IRAG1: variants seen among roughly 807,000 people sequenced by gnomAD.
The protein encoded by IRAG1 is inositol 1,4,5-triphosphate receptor associated 1, also known as IP3R-associated cGMP kinase substrate.
Under a neutral mutation model 106.2 loss-of-function variants are expected in IRAG1, and 62 were observed. That is an observed-to-expected ratio of 0.58 (90% CI 0.48 to 0.72). The LOEUF is 0.72. Among genes scored for constraint, IRAG1 ranks in the 30% least tolerant of loss-of-function variants. The pLI is 0.00. For synonymous variants in IRAG1, 462 were observed against 443.9 expected (o/e 1.04, Z -0.51); for missense variants, 1,064 against 1,140.7 (o/e 0.93, Z 0.97).
At position 10,657,801 on chromosome 11, in the gene IRAG1, G is replaced by A. The variant is rs1859037273; in HGVS notation, c.68-5619C>T. Among the ~76,000 whole-genome samples the A allele has an allele frequency of 6.6e-6, 1 of 152,096 alleles. No individual in the cohort carries two copies. Among genetic ancestry groups the A allele is most frequent in the East Asian group, 1.9e-4 (1 of 5,164 alleles). ...TTCTGCAAATCCAGAGGGTGATGGA[G>A]GGACACTGAGAACTCACCAGTCTTA... is the stretch of plus-strand genomic sequence containing the variant. On this transcript the variant is annotated intron_variant, in intron 1 of 20. Transcript: ENST00000423302. The surrounding 1 kb of genome is among the most constrained non-coding windows in gnomAD (Gnocchi z 4.1).
intron 17 of IRAG1, among the ~76,000 whole-genome samples, chr11:10,592,753 A>G (rs533009691): frequency 6.6e-6 from 1 of 152,360 alleles, no homozygotes; most frequent in Non-Finnish European, 1.5e-5. Flanking sequence ...GAAATATAAA[A>G]AGGCATCAGG....
chr11:10,632,183 T>G (rs1856747674), intron 3 of IRAG1, 122 bp from the exon 4 acceptor site: 1 of 678,094 alleles, frequency 1.5e-6, no homozygotes, highest in Non-Finnish European at 2.4e-6. Flanking sequence ...TCTTTCCTTC[T>G]TTCTTTCTTT....
chr11:10,660,298 G>A (rs1000680735), intron 1 of IRAG1, among the ~76,000 whole-genome samples: 2 of 152,136 alleles, frequency 1.3e-5, no homozygotes, highest in African/African-American at 4.8e-5. Flanking sequence ...CAAAATAACT[G>A]CTTTTTAATT....
rs1450319454 is a variant in IRAG1 at position 10,580,597 on chromosome 11, G to T, written c.2361-8C>A. On this transcript the variant is annotated splice_polypyrimidine_tract_variant and splice_region_variant and intron_variant, in intron 19 of 20. Coordinates refer to ENST00000423302, the MANE Select transcript of IRAG1 (RefSeq NM_130385.4). ...TTTAGACCTTCTTGGAATCTGGGGGGCAAAAAGGAACAGTTGAGTCTGGAA... is the reference window on the plus strand; with the variant it reads ...TTTAGACCTTCTTGGAATCTGGGGGTCAAAAAGGAACAGTTGAGTCTGGAA... The T allele has an allele frequency of 1.9e-6, 3 of 1,609,054 alleles. No homozygotes were observed. Among genetic ancestry groups the T allele is most frequent in the Non-Finnish European group, 2.5e-6 (3 of 1,178,510 alleles).
chr11:10,592,667 G>A (rs1852809459), intron 17 of IRAG1, among the ~76,000 whole-genome samples: 1 of 152,120 alleles, frequency 6.6e-6, no homozygotes, highest in African/African-American at 2.4e-5. Flanking sequence ...AAAATATTTT[G>A]TTATATCCAA....
intron 19 of IRAG1, 29 bp downstream of exon 19, chr11:10,581,838 G>A (rs368836115): frequency 1.2e-4 from 185 of 1,606,984 alleles, no homozygotes; most frequent in Middle Eastern, 3.3e-4. Flanking sequence ...ACTGCCAGGT[G>A]CCCTTGGGGT....
At chr11:10,658,293 C>A (rs943988172) in intron 1 of IRAG1, 1 of 152,308 alleles carries the variant, frequency 6.6e-6, no homozygotes, top group African/African-American at 2.4e-5. Context: ...TTGGCAGATT[C>A]CGTTCTAATC....
chr11:10,659,285 C>A lies in IRAG1; in HGVS notation c.68-7103G>T, dbSNP rs1004730817. On this transcript the variant is annotated intron_variant, in intron 1 of 20. Transcript: ENST00000423302. This position sits in a 1 kb window ranked among gnomAD's most constrained non-coding sequence, Gnocchi z 4.1. Reference sequence around the variant, plus strand: ...AAGTGAGTGACTGAAGGGGGTACAGCCACCCCCCAGTGTGTGGTGGAAGCC... The same window carrying A: ...AAGTGAGTGACTGAAGGGGGTACAGACACCCCCCAGTGTGTGGTGGAAGCC... Among the ~76,000 whole-genome samples the A allele has an allele frequency of 6.6e-6, 1 of 152,156 alleles. No homozygotes were observed. The highest frequency in any genetic ancestry group is 2.4e-5 in the African/African-American group (1 of 41,406).
intron 2 of IRAG1, among the ~76,000 whole-genome samples, chr11:10,651,421 A>G (rs1256701386): frequency 6.6e-6 from 1 of 152,248 alleles, no homozygotes; most frequent in Non-Finnish European, 1.5e-5. Flanking sequence ...AAATATACCC[A>G]CACCAAAATC....
intron 4 of IRAG1, 102 bp from the exon 5 acceptor site, chr11:10,629,813 G>T: frequency 7.9e-7 from 1 of 1,271,164 alleles, no homozygotes; most frequent in Non-Finnish European, 1.1e-6. Flanking sequence ...GCCCACAGCT[G>T]ACCCAGCCAG....
At chr11:10,617,744 G>A (rs1212486703) in intron 10 of IRAG1, among the ~76,000 whole-genome samples, 2 of 152,146 alleles carry the variant, frequency 1.3e-5, no homozygotes, top group East Asian at 1.9e-4. Context: ...ACAGGTGCCT[G>A]GTGGTATTCC....
intron 15 of IRAG1, 62 bp downstream of exon 15, chr11:10,600,856 G>A (rs1425656842): frequency 6.2e-7 from 1 of 1,600,994 alleles, no homozygotes; most frequent in East Asian, 2.2e-5. Context: ...TCTAATCCTA[G>A]CCAAGAGCTC....
intron 2 of IRAG1, among the ~76,000 whole-genome samples, chr11:10,640,805 T>C (rs145116486): frequency 2.0e-5 from 3 of 152,354 alleles, no homozygotes; most frequent in Admixed American, 6.5e-5. Context: ...GAAGCCACAC[T>C]ACCTTATGGT....
rs1276427062 is a variant in IRAG1 at position 10,644,856 on chromosome 11, C to G, written c.225+7169G>C. ...AGTTTCCAGGGAGGTACAGGCAGAA[C>G]CTCTCTGTTGGCCAGTGAGGACAGG... On this transcript the variant is annotated intron_variant, in intron 2 of 20. Coordinates refer to ENST00000423302, the MANE Select transcript of IRAG1 (RefSeq NM_130385.4). Among the ~76,000 whole-genome samples, 10 of 152,294 alleles carry G rather than the reference C, an allele frequency of 6.6e-5. No individual in the cohort carries two copies. The East Asian group carries it at 1.5e-3, about 23-fold the overall frequency.
intron 18 of IRAG1, among the ~76,000 whole-genome samples, chr11:10,587,031 T>G (rs548371700): frequency 6.6e-6 from 1 of 152,220 alleles, no homozygotes; most frequent in Non-Finnish European, 1.5e-5. Flanking sequence ...AAACTGGAGC[T>G]GAGCACAGCC....
At chr11:10,620,342 G>A (rs79017818) in intron 10 of IRAG1, among the ~76,000 whole-genome samples, 2 of 143,060 alleles carry the variant, frequency 1.4e-5, no homozygotes, top group Non-Finnish European at 3.0e-5. Flanking sequence ...GCAAAAAAAA[G>A]ATTGAATGAA....
chr11:10,687,550 T>C (rs1424776249), intron 1 of IRAG1: 2 of 692,280 alleles, frequency 2.9e-6, no homozygotes, highest in South Asian at 2.2e-5. Flanking sequence ...TCATCAGTCA[T>C]ACGGGTGATA....
intron 2 of IRAG1, among the ~76,000 whole-genome samples, chr11:10,646,477 C>T (rs1289259310): frequency 6.6e-6 from 1 of 152,260 alleles, no homozygotes; most frequent in Non-Finnish European, 1.5e-5. Flanking sequence ...GTGGCACTTA[C>T]ATCAGTCCCT....
intron 14 of IRAG1, 64 bp downstream of exon 14, chr11:10,603,056 G>T (rs1180593937): frequency 5.2e-6 from 8 of 1,546,082 alleles, no homozygotes; most frequent in Non-Finnish European, 6.1e-6. Context: ...CCGCTGCTTG[G>T]GTGATTGCTC....
Sources: allele counts gnomAD v4.1 joint callset (sites outside exome capture counted in the v4.1 genomes callset), GRCh38; gene constraint gnomAD v4.1.1; non-coding constraint Gnocchi (gnomAD v3.1); transcripts MANE v1.5; gene names NCBI Gene and HGNC (gene_info 2026-07-23, HGNC 2026-07-21).